PARD3B: variants seen among roughly 807,000 people sequenced by gnomAD.
The protein encoded by PARD3B is par-3 family cell polarity regulator beta.
Under a neutral mutation model 130.2 loss-of-function variants are expected in PARD3B, and 103 were observed. The observed-to-expected ratio is 0.79, with a 90% CI of 0.67 to 0.93. The LOEUF (loss-of-function observed/expected upper bound fraction) is 0.93. PARD3B is among the 40% of genes least tolerant of loss of function. The probability of loss-of-function intolerance (pLI) is 0.00; values close to 1 mark genes in which losing one functional copy is unlikely to be tolerated. For missense variants in PARD3B, 1,609 were observed against 1,499.2 expected (o/e 1.07, Z -1.21); for synonymous variants, 583 against 553.2 (o/e 1.05, Z -0.76).
At chr2:205,162,026 G>T (rs1172995711) in intron 11 of PARD3B, among the ~76,000 whole-genome samples, 1 of 152,032 alleles carries the variant, frequency 6.6e-6, no homozygotes, top group Non-Finnish European at 1.5e-5. Flanking sequence ...GCTTTGTTTT[G>T]TTTTGTTTTA....
intron 2 of PARD3B, among the ~76,000 whole-genome samples, chr2:204,896,894 T>C (rs990059498): frequency 6.6e-6 from 1 of 152,160 alleles, no homozygotes; most frequent in African/African-American, 2.4e-5. Flanking sequence ...AAAGTAAAAA[T>C]TGCCTGGTAT....
intron 16 of PARD3B, among the ~76,000 whole-genome samples, chr2:205,272,857 C>T (rs367699970): frequency 6.6e-6 from 1 of 152,244 alleles, no homozygotes; most frequent in African/African-American, 2.4e-5. Context: ...AACAAAAAAC[C>T]GCATGAATAT....
chr2:205,442,892 C>G (rs1168717050), intron 20 of PARD3B, among the ~76,000 whole-genome samples: 1 of 152,144 alleles, frequency 6.6e-6, no homozygotes, highest in African/African-American at 2.4e-5. Flanking sequence ...AAGAGTGTTA[C>G]TTTTGGCTCT....
intron 4 of PARD3B, among the ~76,000 whole-genome samples, chr2:205,065,240 A>T (rs967314635): frequency 2.2e-4 from 33 of 152,212 alleles, no homozygotes; most frequent in African/African-American, 8.0e-4. Flanking sequence ...GAGTGAGAAG[A>T]TTACAATATA....
chr2:205,190,114 C>T (rs1411281949), intron 14 of PARD3B, among the ~76,000 whole-genome samples: 1 of 152,134 alleles, frequency 6.6e-6, no homozygotes, highest in Non-Finnish European at 1.5e-5. Context: ...TTAGACAGAT[C>T]CTAGCTTGAT....
intron 2 of PARD3B, among the ~76,000 whole-genome samples, chr2:204,741,847 T>C (rs541975368): frequency 2.7e-5 from 4 of 148,216 alleles, no homozygotes; most frequent in Admixed American, 2.6e-4. Flanking sequence ...TGGGCTTTTC[T>C]AAAAGCAATT....
At chr2:204,791,489 C>A (rs2042204941) in intron 2 of PARD3B, among the ~76,000 whole-genome samples, 1 of 152,148 alleles carries the variant, frequency 6.6e-6, no homozygotes, top group Non-Finnish European at 1.5e-5. Flanking sequence ...CATTGTTTTA[C>A]TCTACTTCCC....
intron 19 of PARD3B, among the ~76,000 whole-genome samples, chr2:205,425,358 G>A (rs928930950): frequency 1.3e-5 from 2 of 152,164 alleles, no homozygotes; most frequent in African/African-American, 4.8e-5. Flanking sequence ...ATGGGTCTGG[G>A]AAAGGTATAA....
At chr2:205,364,433 A>G (rs1325497791) in intron 18 of PARD3B, among the ~76,000 whole-genome samples, 1 of 152,184 alleles carries the variant, frequency 6.6e-6, no homozygotes, top group African/African-American at 2.4e-5. Context: ...CAGGTGACAA[A>G]CAGCATTTGT....
intron 21 of PARD3B, among the ~76,000 whole-genome samples, chr2:205,512,309 G>C (rs555790554): frequency 1.3e-5 from 2 of 152,194 alleles, no homozygotes; most frequent in African/African-American, 4.8e-5. Flanking sequence ...AGGCTAACAG[G>C]AAAACTTCCC....
chr2:204,751,972 A>T (rs751493207), intron 2 of PARD3B, among the ~76,000 whole-genome samples: 3 of 152,154 alleles, frequency 2.0e-5, no homozygotes, highest in African/African-American at 7.2e-5. Flanking sequence ...GTCAAGGGCT[A>T]TGTATTCATC....
intron 21 of PARD3B, among the ~76,000 whole-genome samples, chr2:205,506,640 A>G (rs534409071): frequency 2.6e-5 from 4 of 152,342 alleles, no homozygotes; most frequent in Admixed American, 2.6e-4. Context: ...CCAAAGAAGT[A>G]TAAAAGCCAT....
chr2:204,582,224 T>C (rs1186122741), intron 1 of PARD3B, among the ~76,000 whole-genome samples: 1 of 152,190 alleles, frequency 6.6e-6, no homozygotes, highest in Non-Finnish European at 1.5e-5. Context: ...CTTGCCCTTA[T>C]CTTTAGTGAC....
intron 4 of PARD3B, among the ~76,000 whole-genome samples, chr2:205,050,684 T>C (rs1263248142): frequency 1.3e-5 from 2 of 152,026 alleles, no homozygotes; most frequent in Non-Finnish European, 2.9e-5. Context: ...GAATAAAATA[T>C]ATTATTAAAA....
Position 205,116,743 on chromosome 2 carries a change from G to C in PARD3B, c.681-2178G>C, listed in dbSNP as rs1341670586. 6.6e-6 allele frequency among the ~76,000 whole-genome samples: 1 copy of C among 152,134 alleles called. No individual in the cohort carries two copies. Among genetic ancestry groups the C allele is most frequent in the Non-Finnish European group, 1.5e-5 (1 of 68,026 alleles). ...TCCCTTCCACGGAGCAGAGAGGGCA[G>C]AAGTGGTTTGTTGCCAGGGACCAAA... On this transcript the variant is annotated intron_variant, in intron 6 of 22. Coordinates refer to ENST00000406610, the MANE Select transcript of PARD3B (RefSeq NM_001302769.2). The surrounding 1 kb of genome is among the most constrained non-coding windows in gnomAD (Gnocchi z 4.5).
chr2:205,212,708 A>G (rs2037707956), intron 15 of PARD3B, among the ~76,000 whole-genome samples: 1 of 152,160 alleles, frequency 6.6e-6, no homozygotes. Flanking sequence ...AACTGACAGC[A>G]CTGCAATATG....
rs541282715 is a variant in PARD3B, at chr2:205,333,869, G to C, written c.2630+32168G>C. Among the ~76,000 whole-genome samples the C allele has an allele frequency of 3.3e-5, 5 of 152,000 alleles. No individual in the cohort carries two copies. The South Asian group carries it at 1.0e-3, about 32-fold the overall frequency. ...CTGGTATGTCAGGAGTTCATCAAAG[G>C]TATATTTGTTACTGAAATTTTACCC... On this transcript the variant is annotated intron_variant, in intron 18 of 22. Transcript: ENST00000406610.
chr2:204,555,785 C>T (rs1386008389), intron 1 of PARD3B, among the ~76,000 whole-genome samples: 1 of 152,110 alleles, frequency 6.6e-6, no homozygotes, highest in Non-Finnish European at 1.5e-5. Context: ...TTTCTCTCTT[C>T]CTAAAATATT....
At chr2:205,095,121 GA>G (rs1702322939) in intron 4 of PARD3B, among the ~76,000 whole-genome samples, 1 of 152,056 alleles carries the variant, frequency 6.6e-6, no homozygotes, top group African/African-American at 2.4e-5. Context: ...AGACCTTGTG[GA>G]AATTGCTGTT....
Sources: gnomAD v4.1 joint callset for allele counts (sites outside exome capture counted in the v4.1 genomes callset) on GRCh38, gnomAD v4.1.1 for gene constraint, Gnocchi (gnomAD v3.1) non-coding constraint, MANE v1.5 for transcripts, NCBI Gene and HGNC (gene_info 2026-07-23, HGNC 2026-07-21) for gene names.